PTPRT: variants seen among roughly 807,000 people sequenced by gnomAD.
The protein encoded by PTPRT is receptor-type tyrosine-protein phosphatase T.
PTPRT carries 56 observed loss-of-function variants against 176.8 expected under a neutral mutation model. The observed-to-expected ratio is 0.32, with a 90% confidence interval of 0.26 to 0.40. The LOEUF (loss-of-function observed/expected upper bound fraction) is 0.40, where lower values mean the gene tolerates loss of function less well. Among genes scored for constraint, PTPRT ranks in the 10% least tolerant of loss-of-function variants. The probability of loss-of-function intolerance (pLI) is 1.00; values close to 1 mark genes in which losing one functional copy is unlikely to be tolerated. For missense variants in PTPRT, 1,540 were observed against 1,908.2 expected, an observed-to-expected ratio of 0.81 and a Z score of 3.60; for synonymous variants, 783 against 739.0, an observed-to-expected ratio of 1.06 and a Z score of -0.96.
chr20:43,098,766 G>A (rs2012274045), intron 1 of PTPRT, among the ~76,000 whole-genome samples: 1 of 152,064 alleles, frequency 6.6e-6, no homozygotes, highest in South Asian at 2.1e-4. Context: ...TGTCTACAAA[G>A]GCCATGTTTT....
intron 1 of PTPRT, among the ~76,000 whole-genome samples, chr20:43,076,036 A>C (rs575294767): frequency 1.3e-5 from 2 of 152,316 alleles, no homozygotes; most frequent in East Asian, 1.9e-4. Context: ...CATGTCTGTC[A>C]AGAATCTTAA....
At chr20:43,146,122 C>G (rs755812937) in intron 1 of PTPRT, among the ~76,000 whole-genome samples, 14 of 152,114 alleles carry the variant, frequency 9.2e-5, no homozygotes, top group Non-Finnish European at 1.5e-4. Context: ...CTACTTGGTT[C>G]TTCTTCTTGG....
chr20:42,039,298 TAAAG>T, the PTPRT span, among the ~76,000 whole-genome samples: 222 of 152,186 alleles, frequency 1.5e-3, 1 homozygote, highest in Non-Finnish European at 8.7e-4. Flanking sequence ...AATGGCTAAA[TAAAG>T]CTGATTAACA....
chr20:42,039,580 G>T, the PTPRT span, among the ~76,000 whole-genome samples: 1 of 151,548 alleles, frequency 6.6e-6, no homozygotes, highest in South Asian at 2.1e-4. Flanking sequence ...AGATCATGCA[G>T]TATTCATCTT....
chr20:42,283,994 G>A (rs2057184945), intron 12 of PTPRT, among the ~76,000 whole-genome samples: 1 of 151,980 alleles, frequency 6.6e-6, no homozygotes, highest in East Asian at 1.9e-4. Context: ...GCTTTTGCTT[G>A]TGTAAAAAAG....
At chr20:42,070,164 A>G (rs73119807), downstream of PTPRT, among the ~76,000 whole-genome samples, 6,053 of 152,028 alleles carry the variant, frequency 0.04, 186 homozygotes, top group Middle Eastern at 0.061. Context: ...GAGGGAATCA[A>G]ATCCCTCTTC....
At chr20:42,668,382 G>A (rs1285406420) in intron 7 of PTPRT, among the ~76,000 whole-genome samples, 23 of 152,150 alleles carry the variant, frequency 1.5e-4, no homozygotes. Context: ...GAAGACCTGA[G>A]GGACTTCCAG....
chr20:42,909,164 GTAAATACA>G (rs1243535697), intron 1 of PTPRT, among the ~76,000 whole-genome samples: 5 of 152,102 alleles, frequency 3.3e-5, no homozygotes, highest in Non-Finnish European at 7.4e-5. Flanking sequence ...CTAAAAGTAA[GTAAATACA>G]TACATATATA....
intron 13 of PTPRT, among the ~76,000 whole-genome samples, chr20:42,281,867 A>G (rs2057144990): frequency 6.6e-6 from 1 of 152,194 alleles, no homozygotes; most frequent in African/African-American, 2.4e-5. Flanking sequence ...CCATTCATTG[A>G]TTTTGTTTTT....
chr20:42,106,790 G>A lies in PTPRT; in HGVS notation c.3386C>T (p.Thr1129Ile). The A allele has an allele frequency of 6.2e-7, 1 of 1,613,850 alleles. No homozygotes were observed. Among genetic ancestry groups the A allele is most frequent in the Non-Finnish European group, 8.5e-7 (1 of 1,179,868 alleles). Reference sequence around the variant, plus strand: ...TCTTGGCCCCCTAGGACTCACCTCTGTCTGTACCAGGTTGACCCTTTGGGC... The same window carrying A: ...TCTTGGCCCCCTAGGACTCACCTCTATCTGTACCAGGTTGACCCTTTGGGC... Reference protein sequence around the residue: ...LRAQRVNLVQTEEQYVFVHDA... With the variant: ...LRAQRVNLVQIEEQYVFVHDA... Residue 1129 changes from threonine to isoleucine, a missense_variant, in exon 24 of 31, where the codon ACA (threonine) becomes ATA (isoleucine). Physicochemically the swap from Thr to Ile is moderately conservative, Grantham distance 89. Coordinates refer to ENST00000373187, the MANE Select transcript of PTPRT (RefSeq NM_007050.6).
intron 7 of PTPRT, among the ~76,000 whole-genome samples, chr20:42,579,970 T>C (rs1050518813): frequency 6.6e-6 from 1 of 152,218 alleles, no homozygotes; most frequent in Admixed American, 6.5e-5. Flanking sequence ...AGTCATGAAG[T>C]CCTTGCCCAT....
chr20:43,053,085 C>T (rs556785344), intron 1 of PTPRT, among the ~76,000 whole-genome samples: 3 of 152,114 alleles, frequency 2.0e-5, no homozygotes, highest in South Asian at 4.1e-4. Flanking sequence ...AGTACTAACA[C>T]AGGCTACAAC....
At chr20:42,275,551 GAGTGGGGTATGGA>G (rs901449965) in intron 13 of PTPRT, among the ~76,000 whole-genome samples, 12 of 152,252 alleles carry the variant, frequency 7.9e-5, no homozygotes, top group African/African-American at 2.6e-4. Flanking sequence ...TTGTCTTCCT[GAGTGGGGTATGGA>G]AGTGGGGTAT....
intron 11 of PTPRT, among the ~76,000 whole-genome samples, chr20:42,327,223 A>G (rs1056301763): frequency 6.6e-6 from 1 of 152,012 alleles, no homozygotes; most frequent in African/African-American, 2.4e-5. Flanking sequence ...TAATTATGAG[A>G]TGAAATCATC....
At chr20:42,083,732 C>T (rs1480988208) in intron 29 of PTPRT, among the ~76,000 whole-genome samples, 1 of 152,182 alleles carries the variant, frequency 6.6e-6, no homozygotes, top group Non-Finnish European at 1.5e-5. Context: ...AGAAGACCTT[C>T]GTTCAAATTT....
rs1983121226 is a variant in PTPRT at position 42,079,667 on chromosome 20, G to A, written c.*1212C>T. The stretch of plus-strand genomic sequence containing the variant: ...TTCTCTTGGCCTATTTTAAATCAAA[G>A]TATAATGGGCTCCACAATGGCCTTT... On this transcript the variant is annotated 3_prime_UTR_variant, in exon 31 of 31. Coordinates refer to ENST00000373187, the MANE Select transcript of PTPRT (RefSeq NM_007050.6). 1 of 228,412 alleles carries A rather than the reference G, an allele frequency of 4.4e-6. No homozygotes were observed. Among genetic ancestry groups the A allele is most frequent in the Non-Finnish European group, 8.7e-6 (1 of 114,984 alleles). 14.1% of individuals were successfully genotyped at this position (228,412 alleles called of 1,614,324 possible). A position where few individuals can be genotyped will look rare whatever the true frequency, so the allele number is the denominator to read the frequency against.
intron 23 of PTPRT, among the ~76,000 whole-genome samples, chr20:42,107,567 A>T (rs1986579997): frequency 6.6e-6 from 1 of 152,242 alleles, no homozygotes; most frequent in African/African-American, 2.4e-5. Flanking sequence ...GGGGAACTCA[A>T]CGAGACTCTA....
intron 14 of PTPRT, among the ~76,000 whole-genome samples, chr20:42,238,892 T>C (rs995751573): frequency 2.6e-5 from 4 of 152,156 alleles, no homozygotes; most frequent in African/African-American, 9.7e-5. Context: ...AGTCCCAGTT[T>C]CTCTATCTCA....
the PTPRT span, among the ~76,000 whole-genome samples, chr20:42,067,703 C>T: frequency 2.0e-5 from 3 of 152,156 alleles, no homozygotes; most frequent in African/African-American, 7.2e-5. Context: ...AGTAGAACTT[C>T]TCCCATGAAT....
Sources: allele counts gnomAD v4.1 joint callset (sites outside exome capture counted in the v4.1 genomes callset), GRCh38; gene constraint gnomAD v4.1.1; transcripts MANE v1.5; gene names NCBI Gene and HGNC (gene_info 2026-07-23, HGNC 2026-07-21).